The following TARS3 variants were observed in gnomAD, a reference collection of about 807,000 sequenced individuals.
TARS3 encodes the protein threonyl-tRNA synthetase 3, also known as threonine--tRNA ligase 2, cytoplasmic.
A neutral mutation model predicts 103.5 loss-of-function variants in TARS3; 94 were observed. The observed-to-expected ratio is 0.91, with a 90% CI of 0.77 to 1.08. The LOEUF is 1.08. Among genes scored for constraint, TARS3 ranks in the 50% least tolerant of loss-of-function variants. The pLI, the probability that TARS3 is intolerant of heterozygous loss-of-function variation, is 0.00. For synonymous variants in TARS3, 416 were observed against 355.4 expected (o/e 1.17, Z -1.92); for missense variants, 952 against 995.2 (o/e 0.96, Z 0.58).
intron 10 of TARS3, among the ~76,000 whole-genome samples, chr15:101,691,552 T>A (rs1898725120): frequency 6.6e-6 from 1 of 152,196 alleles, no homozygotes; most frequent in Non-Finnish European, 1.5e-5. Context: ...AGTGCTGGGA[T>A]TACAAGAGTG....
intron 15 of TARS3, among the ~76,000 whole-genome samples, chr15:101,670,269 T>C (rs564266131): frequency 2.0e-5 from 3 of 152,220 alleles, no homozygotes; most frequent in Non-Finnish European, 4.4e-5. Flanking sequence ...AAATCATATA[T>C]TCCTCCAAGG....
At position 101,705,697 on chromosome 15, in the gene TARS3, AGTTGCAGT is replaced by A. The variant is rs768161866; in HGVS notation, c.973_980del (p.Thr325TyrfsTer11). 1 of 1,610,948 alleles carries A rather than the reference AGTTGCAGT, an allele frequency of 6.2e-7. No homozygotes were observed. The highest frequency in any genetic ancestry group is 1.3e-5 in the African/African-American group (1 of 74,894). ...TGGACACAAACCTGTACACGGTGGT[AGTTGCAGT>A]GTTAACTTTCTCATTCAGAATGCGG... On this transcript the variant is annotated frameshift_variant, in exon 7 of 19. Transcript: ENST00000335968. LOFTEE classifies it high-confidence loss of function.
rs553235094 is a variant in TARS3, at chr15:101,714,808, A to G, written c.690+32T>C. On this transcript the variant is annotated intron_variant, in intron 4 of 18. Coordinates refer to ENST00000335968, the MANE Select transcript of TARS3 (RefSeq NM_152334.3). ...AATGTAGTTTACAACATAACTACCC[A>G]AAGTTTGGCTGTCTGGTTTTTAAAT... is the stretch of plus-strand genomic sequence containing the variant. The G allele has an allele frequency of 1.9e-5, 31 of 1,596,752 alleles. No homozygotes were observed. In the African/African-American group the frequency reaches 2.9e-4, roughly 15 times the overall value.
chr15:101,694,684 G>A (rs999867148), intron 10 of TARS3, among the ~76,000 whole-genome samples: 18 of 152,102 alleles, frequency 1.2e-4, no homozygotes, highest in African/African-American at 4.1e-4. Context: ...TAGAAACAGA[G>A]GCAGAAAATA....
chr15:101,689,978 T>G, intron 10 of TARS3, among the ~76,000 whole-genome samples: 1 of 152,208 alleles, frequency 6.6e-6, no homozygotes, highest in East Asian at 1.9e-4. Context: ...AGTTATGACT[T>G]TTCCTTGCAT....
At chr15:101,684,846 T>C (rs1023245208) in intron 11 of TARS3, among the ~76,000 whole-genome samples, 3 of 152,214 alleles carry the variant, frequency 2.0e-5, no homozygotes, top group Non-Finnish European at 4.4e-5. Flanking sequence ...CTTGCTTTCT[T>C]ATTCTGAGGT....
chr15:101,689,146 T>C (rs1898599350), intron 10 of TARS3, among the ~76,000 whole-genome samples: 1 of 152,128 alleles, frequency 6.6e-6, no homozygotes, highest in African/African-American at 2.4e-5. Context: ...TTGATCCCAA[T>C]TACTTGGGGA....
At chr15:101,698,336 GAAAAATA>G (rs1469321543) in intron 10 of TARS3, among the ~76,000 whole-genome samples, 2 of 150,116 alleles carry the variant, frequency 1.3e-5, no homozygotes, top group Non-Finnish European at 3.0e-5. Flanking sequence ...CTGTCTCAAA[GAAAAATA>G]AAAAATAAAA....
At chr15:101,701,916 C>T (rs1011545428) in intron 9 of TARS3, among the ~76,000 whole-genome samples, 2 of 152,204 alleles carry the variant, frequency 1.3e-5, no homozygotes, top group Non-Finnish European at 2.9e-5. Context: ...GCTGGGACTA[C>T]AAGCGCGTGC....
At chr15:101,679,497 GCTGA>G (rs34713874) in intron 12 of TARS3, among the ~76,000 whole-genome samples, 43,388 of 151,530 alleles carry the variant, frequency 0.29, 6,968 homozygotes, top group East Asian at 0.68. Flanking sequence ...CTGTTTCTTC[GCTGA>G]CTTTGTAATT....
rs1216247037 is a variant in TARS3, at chr15:101,703,883, T to A, written c.1050A>T (p.Lys350Asn). ...CKGPHVRHTG[K>N]IKTIKIFKNS... ...CCTTAAAAATTTTGATGGTTTTAAT[T>A]TTTCCAGTGTGTCTTACATGTGGAC... Residue 350 changes from lysine (K) to asparagine (N), a missense_variant, in exon 8 of 19, where the codon AAA (lysine) becomes AAT (asparagine). Lys to Asn is a moderately conservative substitution (Grantham distance 94). Coordinates refer to ENST00000335968, the MANE Select transcript of TARS3 (RefSeq NM_152334.3). The A allele has an allele frequency of 6.2e-7, 1 of 1,613,086 alleles. No individual in the cohort carries two copies. Among genetic ancestry groups the A allele is most frequent in the Non-Finnish European group, 8.5e-7 (1 of 1,179,676 alleles).
intron 12 of TARS3, among the ~76,000 whole-genome samples, chr15:101,682,294 GT>G (rs1898286736): frequency 6.6e-6 from 1 of 152,152 alleles, no homozygotes; most frequent in South Asian, 2.1e-4. Context: ...GGTTAAGAAA[GT>G]TCCCTTCCAT....
At chr15:101,685,627 A>G (rs1898437138) in intron 11 of TARS3, among the ~76,000 whole-genome samples, 1 of 152,204 alleles carries the variant, frequency 6.6e-6, no homozygotes, top group African/African-American at 2.4e-5. Context: ...GACAAATATT[A>G]TAAAACTTAT....
intron 10 of TARS3, among the ~76,000 whole-genome samples, chr15:101,689,996 T>C (rs1376890843): frequency 6.6e-6 from 1 of 152,238 alleles, no homozygotes; most frequent in Non-Finnish European, 1.5e-5. Flanking sequence ...CATTCTTACA[T>C]GAAGGGCACT....
intron 6 of TARS3, among the ~76,000 whole-genome samples, chr15:101,706,018 C>T (rs1326791219): frequency 6.6e-6 from 1 of 152,182 alleles, no homozygotes; most frequent in African/African-American, 2.4e-5. Context: ...GGCTAGGGTG[C>T]AGTGCCACCA....
chr15:101,698,820 A>T (rs1899111325), intron 10 of TARS3, among the ~76,000 whole-genome samples: 1 of 152,214 alleles, frequency 6.6e-6, no homozygotes, highest in Non-Finnish European at 1.5e-5. Context: ...TAATTAGATG[A>T]GCCTTGGAAT....
intron 10 of TARS3, among the ~76,000 whole-genome samples, chr15:101,693,057 G>A (rs1908160): frequency 0.48 from 73,369 of 152,066 alleles, 18,480 homozygotes; most frequent in East Asian, 0.81. Flanking sequence ...AATGCAAAAG[G>A]TGTGACTGAG....
chr15:101,721,395 G>C, intron 2 of TARS3, 73 bp from the exon 3 acceptor site: 1 of 1,185,240 alleles, frequency 8.4e-7, no homozygotes, highest in South Asian at 1.5e-5. Flanking sequence ...CTCTGAATCA[G>C]GCTCACCCCC....
At chr15:101,680,879 C>T (rs1329913597) in intron 12 of TARS3, among the ~76,000 whole-genome samples, 2 of 152,136 alleles carry the variant, frequency 1.3e-5, no homozygotes, top group African/African-American at 4.8e-5. Flanking sequence ...CATCACCTAT[C>T]ACCTAATTAC....
Sources: gnomAD v4.1 joint callset for allele counts (sites outside exome capture counted in the v4.1 genomes callset) on GRCh38, gnomAD v4.1.1 for gene constraint, MANE v1.5 for transcripts, NCBI Gene and HGNC (gene_info 2026-07-23, HGNC 2026-07-21) for gene names.